Variants in MILR1 observed in about 807,000 individuals in gnomAD.
The protein encoded by MILR1 is mast cell immunoglobulin like receptor 1.
In MILR1, 31 loss-of-function variants were observed where a neutral mutation model predicts 18.5. That is an observed-to-expected ratio of 1.68 (90% confidence interval 1.26 to 2.26). The LOEUF is 2.26. Ranked by LOEUF, MILR1 falls within the 30% of genes most tolerant of loss-of-function variation. The pLI is 0.00. For missense variants in MILR1, 257 were observed against 157.4 expected (o/e 1.63, Z -3.38); for synonymous variants, 85 against 56.2 (o/e 1.51, Z -2.30).
the MILR1 span, chr17:64,480,419 G>T: frequency 9.2e-7 from 1 of 1,083,024 alleles, no homozygotes; most frequent in Non-Finnish European, 1.4e-6. Flanking sequence ...CTTCAAATAT[G>T]AAAGAAATAA....
At chr17:64,468,264 C>T (rs1449446967) in intron 9 of MILR1, 46 bp from the exon 10 acceptor site, 5 of 455,910 alleles carry the variant, frequency 1.1e-5, no homozygotes, top group East Asian at 7.0e-5. Context: ...TCTGTCTTCA[C>T]GTGGCCTTTT....
At chr17:64,474,464 C>G in the MILR1 span, among the ~76,000 whole-genome samples, 1 of 152,200 alleles carries the variant, frequency 6.6e-6, no homozygotes, top group Non-Finnish European at 1.5e-5. Flanking sequence ...GGCTTTGACT[C>G]CCCGGGCTCA....
chr17:64,491,498 A>C, the MILR1 span: 1 of 1,419,970 alleles, frequency 7.0e-7, no homozygotes, highest in Non-Finnish European at 9.8e-7. Flanking sequence ...CAAAAGAGTG[A>C]GACTATGTCT....
the MILR1 span, among the ~76,000 whole-genome samples, chr17:64,474,730 C>T: frequency 6.6e-6 from 1 of 151,950 alleles, no homozygotes; most frequent in Non-Finnish European, 1.5e-5. Flanking sequence ...GCTCTTAATA[C>T]TGGAAAGGCC....
chr17:64,471,448 C>T (rs2037686079), downstream of MILR1, among the ~76,000 whole-genome samples: 1 of 152,196 alleles, frequency 6.6e-6, no homozygotes, highest in Non-Finnish European at 1.5e-5. Flanking sequence ...AGCAGGCTTA[C>T]CTCAGTGTCT....
intron 3 of MILR1, among the ~76,000 whole-genome samples, chr17:64,455,929 T>C (rs1179618540): frequency 2.0e-5 from 3 of 152,070 alleles, no homozygotes; most frequent in African/African-American, 7.2e-5. Context: ...AATCCCCAGC[T>C]ACTTGGGAGG....
chr17:64,450,445 C>T (rs1470784959), intron 2 of MILR1, among the ~76,000 whole-genome samples: 5 of 152,068 alleles, frequency 3.3e-5, no homozygotes, highest in Admixed American at 6.6e-5. Flanking sequence ...CAGAAGCAGC[C>T]GTTATCAACA....
intron 4 of MILR1, among the ~76,000 whole-genome samples, 184 bp from the exon 5 acceptor site, chr17:64,460,638 G>A (rs61647538): frequency 1.7e-3 from 262 of 152,146 alleles, no homozygotes; most frequent in African/African-American, 6.0e-3. Flanking sequence ...GAGCCACCAC[G>A]CCCAGTCAAG....
At chr17:64,475,840 G>A in the MILR1 span, among the ~76,000 whole-genome samples, 3 of 120,680 alleles carry the variant, frequency 2.5e-5, no homozygotes, top group East Asian at 2.4e-4. Context: ...TTGAGACAGC[G>A]TCTCACTGTG....
the MILR1 span, among the ~76,000 whole-genome samples, chr17:64,486,452 C>A: frequency 6.6e-6 from 1 of 151,892 alleles, no homozygotes; most frequent in Non-Finnish European, 1.5e-5. Context: ...ACCTCTGCCA[C>A]CCGGGTTCAA....
chr17:64,485,871 T>C, the MILR1 span: 1 of 1,613,986 alleles, frequency 6.2e-7, no homozygotes, highest in Non-Finnish European at 8.5e-7. Context: ...TCTCGGCCCT[T>C]CACAGAAAAA....
chr17:64,458,911 G>A (rs1041640941), intron 4 of MILR1, among the ~76,000 whole-genome samples: 20 of 152,126 alleles, frequency 1.3e-4, no homozygotes, highest in African/African-American at 3.6e-4. Context: ...GCTGTTTATG[G>A]GGGGTGTGGA....
chr17:64,462,473 C>G (rs2037453324), intron 5 of MILR1, among the ~76,000 whole-genome samples: 1 of 152,176 alleles, frequency 6.6e-6, no homozygotes, highest in Non-Finnish European at 1.5e-5. Context: ...AGATCTGCCA[C>G]ATACGTAGGG....
At chr17:64,484,557 G>T in the MILR1 span, among the ~76,000 whole-genome samples, 1 of 152,226 alleles carries the variant, frequency 6.6e-6, no homozygotes, top group Non-Finnish European at 1.5e-5. Flanking sequence ...TCTATCAGGG[G>T]AGGAGGAGTG....
the MILR1 span, among the ~76,000 whole-genome samples, chr17:64,488,686 G>A: frequency 6.6e-6 from 1 of 152,244 alleles, no homozygotes; most frequent in African/African-American, 2.4e-5. Context: ...CCAAAATGAA[G>A]TGTGATGGTG....
At chr17:64,497,083 T>A in the MILR1 span, 1 of 1,125,056 alleles carries the variant, frequency 8.9e-7, no homozygotes, top group Admixed American at 1.9e-5. Flanking sequence ...GAGGTGAGCG[T>A]GCTTGCGGGC....
At chr17:64,491,700 T>A in the MILR1 span, 1 of 1,039,192 alleles carries the variant, frequency 9.6e-7, no homozygotes, top group South Asian at 1.2e-5. Context: ...CATCTCGGGG[T>A]TTACCATGGT....
At chr17:64,496,401 G>C in the MILR1 span, 1 of 1,552,894 alleles carries the variant, frequency 6.4e-7, no homozygotes, top group East Asian at 2.3e-5. Context: ...AAATCGTGAA[G>C]CATACCGTGA....
the MILR1 span, chr17:64,496,966 C>T: frequency 1.2e-6 from 2 of 1,604,526 alleles, no homozygotes; most frequent in Admixed American, 1.7e-5. Flanking sequence ...CACGAGAGCG[C>T]ATCTCTCTCC....
Sources: gnomAD v4.1 joint callset for allele counts (sites outside exome capture counted in the v4.1 genomes callset) on GRCh38, gnomAD v4.1.1 for gene constraint, MANE v1.5 for transcripts, NCBI Gene and HGNC (gene_info 2026-07-23, HGNC 2026-07-21) for gene names.